The following LNX1 variants were observed in gnomAD, a reference collection of about 807,000 sequenced individuals.
The protein encoded by LNX1 is ligand of numb-protein X 1.
LNX1 carries 54 observed loss-of-function variants against 68.4 expected under a neutral mutation model. That is an observed-to-expected ratio of 0.79 (90% confidence interval 0.63 to 0.99). The LOEUF (loss-of-function observed/expected upper bound fraction) is 0.99, where lower values mean the gene tolerates loss of function less well. Ranked by LOEUF, LNX1 falls within the 50% of genes least tolerant of loss-of-function variation. The pLI is 0.00. For synonymous variants in LNX1, 336 were observed against 350.0 expected (o/e 0.96, Z 0.45); for missense variants, 906 against 926.4 (o/e 0.98, Z 0.29).
chr4:53,609,656 T>C (rs1475100595), intron 2 of LNX1, among the ~76,000 whole-genome samples: 13 of 145,222 alleles, frequency 9.0e-5, no homozygotes, highest in Non-Finnish European at 1.5e-4. Flanking sequence ...TATAATACTA[T>C]TATAGTACTA....
chr4:53,594,258 T>G (rs1243286903), upstream of LNX1, among the ~76,000 whole-genome samples: 6 of 152,016 alleles, frequency 3.9e-5, no homozygotes, highest in Non-Finnish European at 7.4e-5. Flanking sequence ...AATCATCTTT[T>G]GAGAGCTTAT....
At chr4:53,539,424 G>A (rs1728600195) in intron 2 of LNX1, 1 of 152,292 alleles carries the variant, frequency 6.6e-6, no homozygotes, top group Non-Finnish European at 1.5e-5. Context: ...GAGTGCAGTG[G>A]TGCAATCTCT....
chr4:53,560,989 C>A (rs1166977536), intron 2 of LNX1, among the ~76,000 whole-genome samples: 10 of 152,204 alleles, frequency 6.6e-5, no homozygotes, highest in African/African-American at 2.4e-4. Flanking sequence ...CTTTGCCTGG[C>A]TGTCCTGTTT....
In LNX1 at chr4:53,551,569, C is replaced by T. The variant is rs144403182; in HGVS notation, c.380+22054G>A. Among the ~76,000 whole-genome samples the T allele has an allele frequency of 8.4e-4, 128 of 152,236 alleles. 1 individual carries two copies. The East Asian group carries it at 0.023, about 27-fold the overall frequency. On this transcript the variant is annotated intron_variant, in intron 2 of 10. Coordinates refer to ENST00000263925, the MANE Select transcript of LNX1 (RefSeq NM_001126328.3). ...ACAACTTCAGTAAACACACTGCGCACGCTCACCCCCCAAGTGCCTGAATGC... is the reference window on the plus strand; with the variant it reads ...ACAACTTCAGTAAACACACTGCGCATGCTCACCCCCCAAGTGCCTGAATGC...
chr4:53,554,113 A>G (rs1412631374), intron 2 of LNX1, among the ~76,000 whole-genome samples: 1 of 152,202 alleles, frequency 6.6e-6, no homozygotes, highest in Non-Finnish European at 1.5e-5. Context: ...ACTGTTAGGG[A>G]GAGGGTCCTA....
At chr4:53,599,242 A>G (rs1327213502) in intron 2 of LNX1, among the ~76,000 whole-genome samples, 1 of 152,206 alleles carries the variant, frequency 6.6e-6, no homozygotes, top group Non-Finnish European at 1.5e-5. Context: ...GACACAGGTC[A>G]GAAAGACTTT....
At chr4:53,631,063 T>A (rs1734250842) in intron 1 of LNX1, among the ~76,000 whole-genome samples, 1 of 152,192 alleles carries the variant, frequency 6.6e-6, no homozygotes, top group South Asian at 2.1e-4. Context: ...AGTACAGTTC[T>A]ATGGACCGCT....
intron 2 of LNX1, among the ~76,000 whole-genome samples, chr4:53,553,515 C>T (rs1253544229): frequency 6.6e-6 from 1 of 152,178 alleles, no homozygotes; most frequent in African/African-American, 2.4e-5. Flanking sequence ...ATCTACAAGT[C>T]TCTCCACATG....
At chr4:53,481,166 A>G (rs1179418391) in intron 7 of LNX1, among the ~76,000 whole-genome samples, 2 of 152,222 alleles carry the variant, frequency 1.3e-5, no homozygotes, top group Non-Finnish European at 2.9e-5. Flanking sequence ...CCACAGATCC[A>G]CAGTGTTTTA....
intron 7 of LNX1, among the ~76,000 whole-genome samples, chr4:53,480,238 G>A (rs1723824324): frequency 6.6e-6 from 1 of 152,076 alleles, no homozygotes; most frequent in Admixed American, 6.5e-5. Context: ...TAGAATATAA[G>A]TTAAAACGGA....
chr4:53,577,175 A>C (rs1374803685), intron 1 of LNX1, among the ~76,000 whole-genome samples: 1 of 152,246 alleles, frequency 6.6e-6, no homozygotes, highest in Non-Finnish European at 1.5e-5. Context: ...GTGACATCAG[A>C]AACAGTTGAA....
At chr4:53,473,202 GA>G (rs1166144118) in intron 9 of LNX1, among the ~76,000 whole-genome samples, 1 of 152,140 alleles carries the variant, frequency 6.6e-6, no homozygotes, top group African/African-American at 2.4e-5. Context: ...AGACTTCAAG[GA>G]AGATGAGACA....
intron 1 of LNX1, chr4:53,576,198 A>G: frequency 6.3e-7 from 1 of 1,588,584 alleles, no homozygotes; most frequent in Non-Finnish European, 8.6e-7. Flanking sequence ...TGGATGTGAC[A>G]ATCTCCACCA....
At chr4:53,594,621 A>G (rs1164561564), upstream of LNX1, among the ~76,000 whole-genome samples, 1 of 152,110 alleles carries the variant, frequency 6.6e-6, no homozygotes, top group African/African-American at 2.4e-5. Flanking sequence ...TGGAATCTTG[A>G]AGATATTACT....
At chr4:53,568,744 A>C (rs1007542422) in intron 2 of LNX1, among the ~76,000 whole-genome samples, 3 of 152,026 alleles carry the variant, frequency 2.0e-5, no homozygotes, top group African/African-American at 7.3e-5. Flanking sequence ...AGATGACATG[A>C]TTGTATATCT....
chr4:53,589,339 G>A (rs1444041540), intron 1 of LNX1, among the ~76,000 whole-genome samples: 1 of 152,184 alleles, frequency 6.6e-6, no homozygotes, highest in East Asian at 1.9e-4. Context: ...GAATTCTCCT[G>A]CCTGTTTTCT....
rs547033462 is a variant in LNX1, at chr4:53,501,620, T to C, written c.776-2777A>G. On this transcript the variant is annotated intron_variant, in intron 4 of 10. Transcript: ENST00000263925. ...TTTCAGATGAAGAAATGCTGAAGCT[T>C]AGAGCATTAAGCAACCCAGCCAGGG... Among the ~76,000 whole-genome samples, 3 of 152,270 alleles carry C rather than the reference T, an allele frequency of 2.0e-5. No homozygotes were observed. In the East Asian group the frequency reaches 5.8e-4, roughly 29 times the overall value.
intron 1 of LNX1, among the ~76,000 whole-genome samples, chr4:53,578,912 G>A (rs1731658450): frequency 6.6e-6 from 1 of 151,212 alleles, no homozygotes; most frequent in African/African-American, 2.4e-5. Context: ...AAAGAACCAG[G>A]TAGACTTAAA....
At chr4:53,612,088 T>C (rs983563803) in intron 2 of LNX1, among the ~76,000 whole-genome samples, 1 of 152,118 alleles carries the variant, frequency 6.6e-6, no homozygotes, top group African/African-American at 2.4e-5. Context: ...GAATGGGCAA[T>C]ATACAGAAAA....
Sources: gnomAD v4.1 joint callset for allele counts (sites outside exome capture counted in the v4.1 genomes callset) on GRCh38, gnomAD v4.1.1 for gene constraint, MANE v1.5 for transcripts, NCBI Gene and HGNC (gene_info 2026-07-23, HGNC 2026-07-21) for gene names.